COL24A1: variants seen among roughly 807,000 people sequenced by gnomAD.
COL24A1 encodes the protein collagen alpha-1(XXIV) chain.
Under a neutral mutation model 253.9 loss-of-function variants are expected in COL24A1, and 224 were observed. The observed-to-expected ratio is 0.88, with a 90% confidence interval of 0.79 to 0.99. The LOEUF (loss-of-function observed/expected upper bound fraction) is 0.99. Ranked by LOEUF, COL24A1 falls within the 50% of genes least tolerant of loss-of-function variation. The probability of loss-of-function intolerance (pLI) is 0.00; values close to 1 mark genes in which losing one functional copy is unlikely to be tolerated. For missense variants in COL24A1, 2,131 were observed against 2,068.5 expected, an observed-to-expected ratio of 1.03 and a Z score of -0.59; for synonymous variants, 685 against 673.7, an observed-to-expected ratio of 1.02 and a Z score of -0.26.
chr1:85,985,479 G>A (rs1359421), intron 20 of COL24A1, among the ~76,000 whole-genome samples: 38,674 of 151,582 alleles, frequency 0.26, 5,023 homozygotes, highest in Non-Finnish European at 0.28. Flanking sequence ...AGTTGTGGAG[G>A]TCACTGAAGG....
intron 8 of COL24A1, among the ~76,000 whole-genome samples, chr1:86,062,909 C>A (rs879664654): frequency 2.6e-5 from 4 of 151,966 alleles, no homozygotes; most frequent in Admixed American, 2.6e-4. Flanking sequence ...TTATAGCTTT[C>A]CCTCAGGTAC....
At chr1:85,843,909 C>T (rs1426437525) in intron 39 of COL24A1, among the ~76,000 whole-genome samples, 1 of 151,776 alleles carries the variant, frequency 6.6e-6, no homozygotes, top group African/African-American at 2.4e-5. Flanking sequence ...CTTAATGTAC[C>T]TAAAATATAT....
intron 39 of COL24A1, among the ~76,000 whole-genome samples, chr1:85,844,633 T>C (rs980159238): frequency 1.3e-5 from 2 of 151,598 alleles, no homozygotes; most frequent in African/African-American, 2.4e-5. Context: ...GTAAACACGA[T>C]AAAACAACAT....
intron 5 of COL24A1, among the ~76,000 whole-genome samples, chr1:86,108,641 AAAAAAAAAAT>A (rs1349507702): frequency 5.4e-5 from 8 of 147,652 alleles, no homozygotes; most frequent in African/African-American, 1.7e-4. Context: ...AAAAAAAAAA[AAAAAAAAAAT>A]TTTAAATTAG....
intron 19 of COL24A1, among the ~76,000 whole-genome samples, chr1:85,996,440 C>T (rs983484877): frequency 6.6e-6 from 1 of 151,624 alleles, no homozygotes; most frequent in Non-Finnish European, 1.5e-5. Context: ...CTTTGGGAGG[C>T]CGAGGCGGGT....
chr1:86,079,058 T>C (rs1287394754), intron 7 of COL24A1, among the ~76,000 whole-genome samples: 2 of 152,160 alleles, frequency 1.3e-5, no homozygotes, highest in Non-Finnish European at 2.9e-5. Flanking sequence ...CAAATTATAC[T>C]GCAGAGCTAC....
chr1:86,058,044 A>T, intron 9 of COL24A1, 69 bp from the exon 10 acceptor site: 2 of 1,267,742 alleles, frequency 1.6e-6, no homozygotes. Context: ...TAGATTAATA[A>T]AAAGGCCATA....
Position 85,745,433 on chromosome 1 carries a change from T to C in COL24A1, c.4503+8A>G, listed in dbSNP as rs551833583. ...CAGTGCCAATATAAATAAAACCAGA[T>C]ATGTTACCTCCATCTGTAGGGCAGT... On this transcript the variant is annotated splice_region_variant and intron_variant, in intron 56 of 59. Coordinates refer to ENST00000370571, the MANE Select transcript of COL24A1 (RefSeq NM_152890.7). 1.0e-5 allele frequency: 16 copies of C among 1,598,448 alleles called. No individual in the cohort carries two copies. The Admixed American group carries it at 2.4e-4, about 24-fold the overall frequency.
At chr1:85,779,220 TC>T in intron 52 of COL24A1, among the ~76,000 whole-genome samples, 1 of 152,154 alleles carries the variant, frequency 6.6e-6, no homozygotes. Context: ...CAGGCTGTGT[TC>T]CAATTTCTTA....
rs10526604 is a variant in COL24A1, at chr1:85,906,264, C to CTTTTTTTTTT, written c.2778+920_2778+929dup. Among the ~76,000 whole-genome samples the CTTTTTTTTTT allele has an allele frequency of 1.9e-3, 151 of 77,840 alleles. 19 individuals carry two copies. The highest frequency in any genetic ancestry group is 0.01 in the Middle Eastern group (1 of 96). 51.1% of individuals were successfully genotyped at this position (77,840 alleles called of 152,430 possible). A position where few individuals can be genotyped will look rare whatever the true frequency, so the allele number is the denominator to read the frequency against. On this transcript the variant is annotated intron_variant, in intron 28 of 59. Transcript: ENST00000370571. ...TTTGCCAACTGGAAAACTGCAAGGTCTTTTTTTTTTTTTACCATGGTTAGG... is the reference window on the plus strand; with the variant it reads ...TTTGCCAACTGGAAAACTGCAAGGTCTTTTTTTTTTTTTTTTTTTTTTTACCATGGTTAGG...
chr1:85,788,138 T>A (rs1253492219), intron 47 of COL24A1, among the ~76,000 whole-genome samples: 1 of 152,172 alleles, frequency 6.6e-6, no homozygotes, highest in Non-Finnish European at 1.5e-5. Context: ...TCACCCAGGC[T>A]GGAGTGCAGT....
At chr1:86,121,539 T>C (rs1050492282) in intron 3 of COL24A1, among the ~76,000 whole-genome samples, 1 of 151,896 alleles carries the variant, frequency 6.6e-6, no homozygotes, top group Non-Finnish European at 1.5e-5. Flanking sequence ...TTGTGAAAGA[T>C]TTAAAAAATA....
rs1699399985 is a variant in COL24A1, at chr1:86,040,535, C to T, written c.1950+6290G>A. The stretch of plus-strand genomic sequence containing the variant: ...CCACCCTGAAGATAATTGCCATATT[C>T]CCATCCATTGGTGTCACATCTCTAT... On this transcript the variant is annotated intron_variant, in intron 12 of 59. Transcript: ENST00000370571. Among the ~76,000 whole-genome samples, 7 of 142,134 alleles carry T rather than the reference C, an allele frequency of 4.9e-5. No homozygotes were observed. In the South Asian group the frequency reaches 1.5e-3, roughly 31 times the overall value. The allele number at this position is 142,134 out of a possible 152,430, so 93.2% of individuals were successfully genotyped here. A position where few individuals can be genotyped will look rare whatever the true frequency, so the allele number is the denominator to read the frequency against.
chr1:85,916,787 A>G (rs578141942), intron 24 of COL24A1, among the ~76,000 whole-genome samples: 1 of 152,364 alleles, frequency 6.6e-6, no homozygotes, highest in East Asian at 1.9e-4. Flanking sequence ...ATACATACAC[A>G]GCAGGAAATA....
intron 28 of COL24A1, among the ~76,000 whole-genome samples, chr1:85,902,269 C>A (rs1462964337): frequency 6.6e-6 from 1 of 152,180 alleles, no homozygotes; most frequent in East Asian, 1.9e-4. Flanking sequence ...CTTCTCCATA[C>A]CAGTATGAGA....
At chr1:86,117,455 T>C (rs1706260168) in intron 3 of COL24A1, among the ~76,000 whole-genome samples, 2 of 152,302 alleles carry the variant, frequency 1.3e-5, no homozygotes, top group African/African-American at 2.4e-5. Flanking sequence ...CTGTGAGAAA[T>C]AAATTTCTAT....
chr1:85,915,017 G>A (rs1685760437), intron 24 of COL24A1, among the ~76,000 whole-genome samples: 2 of 152,190 alleles, frequency 1.3e-5, no homozygotes, highest in South Asian at 4.1e-4. Flanking sequence ...CTGGGTTACA[G>A]AGTGCTCAGA....
rs78722515 is a variant in COL24A1 at position 85,998,286 on chromosome 1, C to A, written c.2311-10632G>T. On this transcript the variant is annotated intron_variant, in intron 19 of 59. Transcript: ENST00000370571. Reference sequence around the variant, plus strand: ...CTATTTCTTCAAGTCACTGCTCAAACACCCATGTACTCCATGCCCCTGGTT... The same window carrying A: ...CTATTTCTTCAAGTCACTGCTCAAAAACCCATGTACTCCATGCCCCTGGTT... Among the ~76,000 whole-genome samples, 96 of 152,304 alleles carry A rather than the reference C, an allele frequency of 6.3e-4. 2 individuals are homozygous for A. The East Asian group carries it at 0.018, about 28-fold the overall frequency.
At chr1:85,998,170 A>G (rs527447746) in intron 19 of COL24A1, among the ~76,000 whole-genome samples, 1 of 152,270 alleles carries the variant, frequency 6.6e-6, no homozygotes, top group Admixed American at 6.5e-5. Context: ...TTCTACATAC[A>G]TCTAGCTTCT....
Sources: gnomAD v4.1 joint callset for allele counts (sites outside exome capture counted in the v4.1 genomes callset) on GRCh38, gnomAD v4.1.1 for gene constraint, MANE v1.5 for transcripts, NCBI Gene and HGNC (gene_info 2026-07-23, HGNC 2026-07-21) for gene names.